GRIP1: variants seen among roughly 807,000 people sequenced by gnomAD.
GRIP1 encodes the protein glutamate receptor-interacting protein 1.
In GRIP1, 45 loss-of-function variants were observed where a neutral mutation model predicts 129.9. The observed-to-expected ratio is 0.35, with a 90% CI of 0.27 to 0.44. The LOEUF (loss-of-function observed/expected upper bound fraction) is 0.44, where lower values mean the gene tolerates loss of function less well. Ranked by LOEUF, GRIP1 falls within the 20% of genes least tolerant of loss-of-function variation. The pLI, the probability that GRIP1 is intolerant of heterozygous loss-of-function variation, is 1.00. For synonymous variants in GRIP1, 530 were observed against 520.8 expected (o/e 1.02, Z -0.24); for missense variants, 1,196 against 1,396.8 (o/e 0.86, Z 2.29).
intron 5 of GRIP1, among the ~76,000 whole-genome samples, chr12:66,527,994 CTGA>C (rs1407652792): frequency 6.6e-6 from 1 of 152,042 alleles, no homozygotes; most frequent in Non-Finnish European, 1.5e-5. Context: ...AAAAAAATCC[CTGA>C]TGTTTATATA....
At position 66,539,058 on chromosome 12, in the gene GRIP1, A is replaced by AG. The variant is rs1349076386; in HGVS notation, c.418+19dup. On this transcript the variant is annotated intron_variant, in intron 4 of 24. Coordinates refer to ENST00000359742, the MANE Select transcript of GRIP1 (RefSeq NM_001366722.1). ...TCTTGGAATGTATCCCCTATGGATA[A>AG]GGGGGGCTACTGTACTTACAGACCG... The AG allele has an allele frequency of 2.5e-6, 4 of 1,608,374 alleles. No homozygotes were observed. In the Middle Eastern group the frequency reaches 5.0e-4, roughly 199 times the overall value.
chr12:66,539,266 A>T (rs367749112), intron 3 of GRIP1, 43 bp from the exon 4 acceptor site: 1 of 1,612,518 alleles, frequency 6.2e-7, no homozygotes, highest in Non-Finnish European at 8.5e-7. Flanking sequence ...CACCCTCTCC[A>T]TAGGCCAGTC....
chr12:66,851,925 A>T (rs996465639), intron 1 of GRIP1, among the ~76,000 whole-genome samples: 5 of 152,136 alleles, frequency 3.3e-5, no homozygotes, highest in Non-Finnish European at 7.4e-5. Context: ...CTTTATCAAA[A>T]GCCAACCTGT....
chr12:66,709,139 T>G (rs887548590), intron 1 of GRIP1, among the ~76,000 whole-genome samples: 1 of 151,894 alleles, frequency 6.6e-6, no homozygotes, highest in Non-Finnish European at 1.5e-5. Context: ...GAAACAAATT[T>G]CAGTGCTTAT....
At chr12:66,998,609 C>A (rs140302705) in intron 1 of GRIP1, among the ~76,000 whole-genome samples, 1 of 152,008 alleles carries the variant, frequency 6.6e-6, no homozygotes, top group Non-Finnish European at 1.5e-5. Context: ...CACACACTTG[C>A]CCATCACCCC....
chr12:66,917,307 C>T (rs2041139702), intron 1 of GRIP1, among the ~76,000 whole-genome samples: 1 of 152,152 alleles, frequency 6.6e-6, no homozygotes, highest in African/African-American at 2.4e-5. Context: ...CTACACTTGC[C>T]TAATACATTT....
intron 1 of GRIP1, among the ~76,000 whole-genome samples, chr12:66,654,368 C>A (rs7953376): frequency 0.016 from 2,508 of 152,102 alleles, 62 homozygotes; most frequent in African/African-American, 0.057. Context: ...TAGGTCAAGT[C>A]CTACAGAAGA....
rs115778876 is a variant in GRIP1 at position 66,353,790 on chromosome 12, G to A, written c.3013-227C>T. Among the ~76,000 whole-genome samples, 415 of 152,270 alleles carry A rather than the reference G, an allele frequency of 2.7e-3. 3 individuals carry two copies. Among genetic ancestry groups the A allele is most frequent in the African/African-American group, 8.3e-3 (347 of 41,560 alleles). On this transcript the variant is annotated intron_variant, in intron 23 of 24. Coordinates refer to ENST00000359742, the MANE Select transcript of GRIP1 (RefSeq NM_001366722.1). ...GCTGAAAAAGGAGGAGAACTGGAACGTCTGGGTCCTCCCTCCCTCCTTTTC... is the reference window on the plus strand; with the variant it reads ...GCTGAAAAAGGAGGAGAACTGGAACATCTGGGTCCTCCCTCCCTCCTTTTC...
chr12:67,040,216 C>G (rs928112055), intron 1 of GRIP1, among the ~76,000 whole-genome samples: 1 of 130,528 alleles, frequency 7.7e-6, no homozygotes, highest in Non-Finnish European at 1.8e-5. Context: ...ACTACCCACC[C>G]CCACCCCCCC....
intron 1 of GRIP1, among the ~76,000 whole-genome samples, chr12:66,759,122 A>C (rs1045921520): frequency 1.3e-5 from 2 of 152,188 alleles, no homozygotes; most frequent in African/African-American, 4.8e-5. Context: ...CCTGCAGCAA[A>C]CTTTTGCCTG....
At chr12:66,790,182 A>G (rs745828976) in intron 1 of GRIP1, among the ~76,000 whole-genome samples, 22 of 152,182 alleles carry the variant, frequency 1.4e-4, no homozygotes, top group Non-Finnish European at 2.8e-4. Flanking sequence ...GATATCAACA[A>G]TAAACTGCTT....
intron 1 of GRIP1, among the ~76,000 whole-genome samples, chr12:66,990,143 G>C (rs2042372779): frequency 6.6e-6 from 1 of 152,160 alleles, no homozygotes; most frequent in Non-Finnish European, 1.5e-5. Flanking sequence ...GATCTAGGGA[G>C]GTGGGATTTG....
chr12:67,006,409 A>G (rs1166577106), intron 1 of GRIP1, among the ~76,000 whole-genome samples: 1 of 152,038 alleles, frequency 6.6e-6, no homozygotes, highest in African/African-American at 2.4e-5. Flanking sequence ...ACAAAAAATT[A>G]AAAACATTAG....
intron 1 of GRIP1, among the ~76,000 whole-genome samples, chr12:66,942,707 G>A (rs2041606714): frequency 6.6e-6 from 1 of 152,204 alleles, no homozygotes; most frequent in Non-Finnish European, 1.5e-5. Context: ...AGAGGGGGCA[G>A]TGTAATGGAC....
chr12:66,483,161 T>C (rs1329399031), intron 7 of GRIP1, among the ~76,000 whole-genome samples: 1 of 152,204 alleles, frequency 6.6e-6, no homozygotes, highest in East Asian at 1.9e-4. Context: ...TTTGCCTGCC[T>C]TACATTCCTT....
At chr12:67,020,839 C>T (rs2042855803) in intron 1 of GRIP1, among the ~76,000 whole-genome samples, 1 of 152,064 alleles carries the variant, frequency 6.6e-6, no homozygotes, top group African/African-American at 2.4e-5. Flanking sequence ...GTAGCTCGCA[C>T]CTATAATCCC....
At chr12:66,638,932 T>G (rs2031667826) in intron 1 of GRIP1, among the ~76,000 whole-genome samples, 1 of 152,214 alleles carries the variant, frequency 6.6e-6, no homozygotes, top group South Asian at 2.1e-4. Flanking sequence ...AAGCTCCTTG[T>G]GTTTCAGTTT....
chr12:66,844,490 G>C (rs759733498), intron 1 of GRIP1, among the ~76,000 whole-genome samples: 5 of 152,154 alleles, frequency 3.3e-5, no homozygotes, highest in African/African-American at 1.2e-4. Flanking sequence ...GGAGAAATTG[G>C]AACCTTTATG....
At chr12:66,614,366 C>A (rs1298904177) in intron 1 of GRIP1, among the ~76,000 whole-genome samples, 2 of 152,028 alleles carry the variant, frequency 1.3e-5, no homozygotes, top group African/African-American at 4.8e-5. Context: ...CCCAACAGCC[C>A]TCCCCCACAC....
Sources: gnomAD v4.1 joint callset for allele counts (sites outside exome capture counted in the v4.1 genomes callset) on GRCh38, gnomAD v4.1.1 for gene constraint, MANE v1.5 for transcripts, NCBI Gene and HGNC (gene_info 2026-07-23, HGNC 2026-07-21) for gene names.